SLC39A11: variants seen among roughly 807,000 people sequenced by gnomAD.
SLC39A11 encodes zinc transporter ZIP11.
SLC39A11 carries 33 observed loss-of-function variants against 36.1 expected under a neutral mutation model. That is an observed-to-expected ratio of 0.91 (90% confidence interval 0.69 to 1.22). The LOEUF (loss-of-function observed/expected upper bound fraction) is 1.22. Among genes scored for constraint, SLC39A11 ranks in the 50% most tolerant of loss-of-function variants. The probability of loss-of-function intolerance (pLI) is 0.00; values close to 1 mark genes in which losing one functional copy is unlikely to be tolerated. For missense variants in SLC39A11, 432 were observed against 430.3 expected (o/e 1.00, Z -0.03); for synonymous variants, 166 against 170.3 (o/e 0.97, Z 0.20).
intron 3 of SLC39A11, among the ~76,000 whole-genome samples, chr17:73,038,217 C>T (rs978585220): frequency 6.6e-6 from 1 of 152,140 alleles, no homozygotes; most frequent in Non-Finnish European, 1.5e-5. Context: ...GAACAAGAAA[C>T]TGTCTCAAAA....
At chr17:72,747,030 G>C (rs571344792) in intron 6 of SLC39A11, among the ~76,000 whole-genome samples, 1 of 152,194 alleles carries the variant, frequency 6.6e-6, no homozygotes, top group Non-Finnish European at 1.5e-5. Flanking sequence ...CTGGGTGACA[G>C]AGCGAGACTC....
chr17:73,014,237 T>C (rs886363066), intron 4 of SLC39A11, among the ~76,000 whole-genome samples: 2 of 152,142 alleles, frequency 1.3e-5, no homozygotes, highest in African/African-American at 4.8e-5. Flanking sequence ...AATGAGATGA[T>C]CAGTTAACCT....
intron 4 of SLC39A11, among the ~76,000 whole-genome samples, chr17:73,006,712 A>T (rs2090201596): frequency 6.6e-6 from 1 of 152,138 alleles, no homozygotes; most frequent in South Asian, 2.1e-4. Context: ...ATTATCAGGA[A>T]CACAAAGACC....
intron 4 of SLC39A11, among the ~76,000 whole-genome samples, chr17:72,951,365 A>G (rs926245730): frequency 1.3e-5 from 2 of 151,834 alleles, no homozygotes; most frequent in Non-Finnish European, 1.5e-5. Context: ...AGCTCCCTGT[A>G]ATGCTGGAAA....
At chr17:72,975,482 T>C (rs2087776049) in intron 4 of SLC39A11, among the ~76,000 whole-genome samples, 1 of 151,942 alleles carries the variant, frequency 6.6e-6, no homozygotes, top group African/African-American at 2.4e-5. Flanking sequence ...AATAAAGAGG[T>C]CTTAGAGAGC....
At chr17:73,085,813 G>A (rs9944433) in intron 2 of SLC39A11, among the ~76,000 whole-genome samples, 46,089 of 151,818 alleles carry the variant, frequency 0.3, 7,419 homozygotes, top group Middle Eastern at 0.49. Flanking sequence ...AAAAATGTTC[G>A]GCAGTGCTAA....
At chr17:72,971,262 T>G (rs1185513047) in intron 4 of SLC39A11, among the ~76,000 whole-genome samples, 1 of 151,882 alleles carries the variant, frequency 6.6e-6, no homozygotes, top group Non-Finnish European at 1.5e-5. Flanking sequence ...CTAAATCTGC[T>G]TACAGAAATA....
intron 4 of SLC39A11, among the ~76,000 whole-genome samples, chr17:72,961,602 G>T (rs1006195706): frequency 1.3e-5 from 2 of 152,080 alleles, no homozygotes; most frequent in Admixed American, 6.6e-5. Context: ...CATGGATGAA[G>T]CTGGAAACCA....
intron 6 of SLC39A11, among the ~76,000 whole-genome samples, chr17:72,848,462 G>A (rs902129897): frequency 7.9e-5 from 12 of 152,212 alleles, no homozygotes; most frequent in African/African-American, 2.9e-4. Flanking sequence ...GCTCACGCCT[G>A]TAGTCCCAAC....
chr17:72,920,701 A>ACCTACC (rs2083613887), intron 5 of SLC39A11, among the ~76,000 whole-genome samples: 1 of 81,222 alleles, frequency 1.2e-5, no homozygotes, highest in Non-Finnish European at 2.4e-5. Flanking sequence ...CAACACCTAC[A>ACCTACC]CCCCATACAC....
At chr17:72,655,069 C>A (rs1051936031) in intron 7 of SLC39A11, among the ~76,000 whole-genome samples, 4 of 152,232 alleles carry the variant, frequency 2.6e-5, no homozygotes, top group Non-Finnish European at 5.9e-5. Context: ...TCCTGCCAGG[C>A]CTTTCTCAGC....
intron 5 of SLC39A11, among the ~76,000 whole-genome samples, chr17:72,922,227 C>G (rs2083710229): frequency 6.6e-6 from 1 of 152,182 alleles, no homozygotes; most frequent in Non-Finnish European, 1.5e-5. Flanking sequence ...CTGGAGCAAT[C>G]CTTCAAACAA....
At chr17:72,736,414 C>T (rs551356826) in intron 7 of SLC39A11, among the ~76,000 whole-genome samples, 1 of 152,320 alleles carries the variant, frequency 6.6e-6, no homozygotes, top group South Asian at 2.1e-4. Flanking sequence ...TCTATCCATG[C>T]TTTGTTTCCA....
intron 9 of SLC39A11, 107 bp downstream of exon 9, chr17:72,648,696 G>C: frequency 1.5e-6 from 2 of 1,343,612 alleles, no homozygotes; most frequent in East Asian, 2.5e-5. Context: ...GGCAGAGAGG[G>C]GGAGGGAATA....
chr17:72,852,204 CAAAAAAAAAA>C (rs1167034424), intron 5 of SLC39A11, among the ~76,000 whole-genome samples: 14 of 39,908 alleles, frequency 3.5e-4, no homozygotes, highest in East Asian at 2.7e-3. Flanking sequence ...GACTCCGTCT[CAAAAAAAAAA>C]AAAAAAAAAA....
At position 72,881,424 on chromosome 17, in the gene SLC39A11, C is replaced by T. The variant is rs553115194; in HGVS notation, c.431-31620G>A. 6.6e-5 allele frequency among the ~76,000 whole-genome samples: 10 copies of T among 152,216 alleles called. No homozygotes were observed. The East Asian group carries it at 1.5e-3, about 23-fold the overall frequency. On this transcript the variant is annotated intron_variant, in intron 5 of 9. Transcript: ENST00000255559. Reference sequence around the variant, plus strand: ...CATTTAAATATGTGCACTTTTTGTACGTCAATCATACCTCACTAAAGCTAT... The same window carrying T: ...CATTTAAATATGTGCACTTTTTGTATGTCAATCATACCTCACTAAAGCTAT...
At chr17:72,708,071 A>T (rs1413029283) in intron 7 of SLC39A11, among the ~76,000 whole-genome samples, 1 of 152,042 alleles carries the variant, frequency 6.6e-6, no homozygotes, top group Admixed American at 6.6e-5. Context: ...GTTCTCCTGG[A>T]CTCTGGACAT....
rs189665324 is a variant in SLC39A11 at position 72,664,522 on chromosome 17, C to T, written c.672-15254G>A. 6.2e-3 allele frequency among the ~76,000 whole-genome samples: 944 copies of T among 152,170 alleles called. 8 individuals carry two copies. The highest frequency in any genetic ancestry group is 7.5e-3 in the Non-Finnish European group (508 of 68,014). Reference sequence around the variant, plus strand: ...CCTTTAGATCTGATGAGAATCCAGCCACTTCTCCCCTCTTCCATGGCTATA... The same window carrying T: ...CCTTTAGATCTGATGAGAATCCAGCTACTTCTCCCCTCTTCCATGGCTATA... On this transcript the variant is annotated intron_variant, in intron 7 of 9. Coordinates refer to ENST00000255559, the MANE Select transcript of SLC39A11 (RefSeq NM_139177.4).
At chr17:72,854,042 T>C (rs1598119163) in intron 5 of SLC39A11, among the ~76,000 whole-genome samples, 1 of 152,248 alleles carries the variant, frequency 6.6e-6, no homozygotes, top group East Asian at 1.9e-4. Flanking sequence ...AAATAGTCAA[T>C]GTCAAACTCA....
Sources: gnomAD v4.1 joint callset for allele counts (sites outside exome capture counted in the v4.1 genomes callset) on GRCh38, gnomAD v4.1.1 for gene constraint, MANE v1.5 for transcripts, NCBI Gene and HGNC (gene_info 2026-07-23, HGNC 2026-07-21) for gene names.